Variants in ADARB2 observed in about 807,000 individuals in gnomAD.
ADARB2 encodes adenosine deaminase RNA specific B2 (inactive).
A neutral mutation model predicts 62.2 loss-of-function variants in ADARB2; 25 were observed. The observed-to-expected ratio is 0.40, with a 90% CI of 0.29 to 0.56. The LOEUF (loss-of-function observed/expected upper bound fraction) is 0.56. ADARB2 is among the 20% of genes least tolerant of loss of function. The pLI is 0.43. For synonymous variants in ADARB2, 572 were observed against 500.8 expected (o/e 1.14, Z -1.90); for missense variants, 1,071 against 1,077.4 (o/e 0.99, Z 0.08).
intron 3 of ADARB2, among the ~76,000 whole-genome samples, chr10:1,293,167 G>T (rs1340572506): frequency 4.0e-5 from 2 of 50,144 alleles, no homozygotes; most frequent in Non-Finnish European, 9.6e-5. Context: ...GGGTAAGAAG[G>T]GGGGAGAGGG....
chr10:1,320,544 C>A (rs552727582), intron 3 of ADARB2, among the ~76,000 whole-genome samples: 1 of 152,290 alleles, frequency 6.6e-6, no homozygotes, highest in East Asian at 1.9e-4. Flanking sequence ...AACCATTGGA[C>A]CATGGTGTAT....
intron 1 of ADARB2, among the ~76,000 whole-genome samples, chr10:1,499,852 T>G (rs939014102): frequency 6.6e-6 from 1 of 152,200 alleles, no homozygotes; most frequent in Non-Finnish European, 1.5e-5. Context: ...TACTCATTGC[T>G]CACTCATCAT....
chr10:1,679,672 C>A (rs1028119828), intron 1 of ADARB2, among the ~76,000 whole-genome samples: 1 of 152,150 alleles, frequency 6.6e-6, no homozygotes, highest in Non-Finnish European at 1.5e-5. Flanking sequence ...CCCCCAGGAG[C>A]ACTCCGGTTT....
chr10:1,578,501 G>T (rs946565303), intron 1 of ADARB2, among the ~76,000 whole-genome samples: 6 of 152,312 alleles, frequency 3.9e-5, no homozygotes, highest in Middle Eastern at 6.8e-3. Flanking sequence ...GAGCTGTGCT[G>T]GTGCAAAGGC....
chr10:1,438,806 C>T (rs1353852348), intron 1 of ADARB2, among the ~76,000 whole-genome samples: 7 of 143,124 alleles, frequency 4.9e-5, no homozygotes, highest in Non-Finnish European at 1.1e-4. Context: ...TGATGGGGCT[C>T]CTGAGTCTCC....
intron 1 of ADARB2, among the ~76,000 whole-genome samples, chr10:1,435,441 A>G (rs1051319145): frequency 2.0e-5 from 3 of 152,108 alleles, no homozygotes; most frequent in African/African-American, 7.2e-5. Context: ...CTTCCGCTTG[A>G]GGGCAGAGCC....
At chr10:1,406,943 A>T (rs1832712327) in intron 1 of ADARB2, among the ~76,000 whole-genome samples, 1 of 152,104 alleles carries the variant, frequency 6.6e-6, no homozygotes, top group African/African-American at 2.4e-5. Context: ...GCCCATCCCC[A>T]TCCTCCCCAG....
At chr10:1,510,025 TTC>T (rs1238184639) in intron 1 of ADARB2, among the ~76,000 whole-genome samples, 2 of 147,670 alleles carry the variant, frequency 1.4e-5, no homozygotes, top group African/African-American at 2.4e-5. Flanking sequence ...TCTTTCTTTT[TTC>T]TCTTTCTTTC....
At chr10:1,689,572 C>G (rs1834642747) in intron 1 of ADARB2, among the ~76,000 whole-genome samples, 4 of 152,186 alleles carry the variant, frequency 2.6e-5, no homozygotes. Context: ...AACAACACTT[C>G]CTAGAGAGCA....
At chr10:1,505,042 C>T (rs1050934657) in intron 1 of ADARB2, among the ~76,000 whole-genome samples, 4 of 151,724 alleles carry the variant, frequency 2.6e-5, no homozygotes, top group Admixed American at 6.6e-5. Context: ...CACACATGCA[C>T]GACACACAGA....
intron 1 of ADARB2, among the ~76,000 whole-genome samples, chr10:1,700,670 C>T (rs1413085152): frequency 1.4e-4 from 1 of 7,312 alleles, no homozygotes; most frequent in African/African-American, 1.6e-4. Flanking sequence ...CGGGCGCTCG[C>T]CAATACATGC....
At chr10:1,491,221 A>G (rs1175592808) in intron 1 of ADARB2, among the ~76,000 whole-genome samples, 3 of 152,062 alleles carry the variant, frequency 2.0e-5, no homozygotes, top group African/African-American at 7.3e-5. Flanking sequence ...GGTGTAAGCC[A>G]CCACACCCGG....
chr10:1,263,383 G>A (rs1589169441), intron 4 of ADARB2, among the ~76,000 whole-genome samples: 1 of 152,206 alleles, frequency 6.6e-6, no homozygotes, highest in Non-Finnish European at 1.5e-5. Flanking sequence ...CTGGATGCTA[G>A]TGTCCTTTAT....
intron 1 of ADARB2, among the ~76,000 whole-genome samples, chr10:1,407,037 T>A (rs1028860661): frequency 1.3e-5 from 2 of 152,222 alleles, no homozygotes; most frequent in Admixed American, 6.5e-5. Flanking sequence ...TGCGGCTGCA[T>A]AAAGCAGGCA....
rs180986027 is a variant in ADARB2, at chr10:1,594,973, G to A, written c.100+142078C>T. ...CCCATCTCTGCTGGGGACCAGGGCT[G>A]TGCTGCAGGATCTGAGGAAGTGCAG... On this transcript the variant is annotated intron_variant, in intron 1 of 9. Coordinates refer to ENST00000381312, the MANE Select transcript of ADARB2 (RefSeq NM_018702.4). Among the ~76,000 whole-genome samples the A allele has an allele frequency of 8.5e-5, 13 of 152,314 alleles. 1 individual carries two copies. The highest frequency in any genetic ancestry group is 2.9e-4 in the African/African-American group (12 of 41,576).
At chr10:1,643,915 T>A (rs573179505) in intron 1 of ADARB2, among the ~76,000 whole-genome samples, 126 of 152,060 alleles carry the variant, frequency 8.3e-4, no homozygotes, top group African/African-American at 2.9e-3. Flanking sequence ...CTACATTAGG[T>A]CAGTAATGTG....
intron 4 of ADARB2, among the ~76,000 whole-genome samples, chr10:1,247,481 CTTA>C (rs1433897227): frequency 6.6e-6 from 1 of 152,048 alleles, no homozygotes; most frequent in Non-Finnish European, 1.5e-5. Flanking sequence ...ATAGATAGCT[CTTA>C]TTATTTTGAG....
chr10:1,305,330 CA>C (rs1831616431), intron 3 of ADARB2, among the ~76,000 whole-genome samples: 1 of 151,894 alleles, frequency 6.6e-6, no homozygotes, highest in Admixed American at 6.6e-5. Flanking sequence ...TCGACACATA[CA>C]TCCTCCCAAG....
intron 1 of ADARB2, among the ~76,000 whole-genome samples, chr10:1,501,372 G>A (rs183250721): frequency 8.9e-4 from 136 of 152,296 alleles, no homozygotes; most frequent in African/African-American, 3.1e-3. Flanking sequence ...ATTTCTCAAA[G>A]GCAGCATTCT....
Sources: allele counts gnomAD v4.1 joint callset (sites outside exome capture counted in the v4.1 genomes callset), GRCh38; gene constraint gnomAD v4.1.1; transcripts MANE v1.5; gene names NCBI Gene and HGNC (gene_info 2026-07-23, HGNC 2026-07-21).